The following ZNF331 variants were observed in gnomAD, a reference collection of about 807,000 sequenced individuals.
ZNF331 encodes C2H2-like zinc finger protein rearranged in thyroid adenomas.
ZNF331 carries 2 observed loss-of-function variants against 7.0 expected under a neutral mutation model. The observed-to-expected ratio is 0.29, with a 90% CI of 0.12 to 0.90. The LOEUF (loss-of-function observed/expected upper bound fraction) is 0.90. Among genes scored for constraint, ZNF331 ranks in the 40% least tolerant of loss-of-function variants. The pLI, the probability that ZNF331 is intolerant of heterozygous loss-of-function variation, is 0.58. For missense variants in ZNF331, 432 were observed against 587.7 expected, an observed-to-expected ratio of 0.74 and a Z score of 2.74; for synonymous variants, 196 against 205.4, an observed-to-expected ratio of 0.95 and a Z score of 0.39.
At chr19:53,550,529 C>CTATTTTTTTTT (rs2088916200) in intron 2 of ZNF331, among the ~76,000 whole-genome samples, 1 of 64,540 alleles carries the variant, frequency 1.5e-5, no homozygotes, top group Non-Finnish European at 2.6e-5. Context: ...TCTATTTTGT[C>CTATTTTTTTTT]TTTTTTTTTT....
Position 53,546,141 on chromosome 19 carries a change from A to G in ZNF331, c.-138+6859A>G, listed in dbSNP as rs1401437312. ...CTTCAGAAAAAGCATCCTGAGGGGG[A>G]AAAAAAAAAAAAAAAAAAAATTATT... On this transcript the variant is annotated intron_variant, in intron 2 of 5. Transcript: ENST00000449416. 6.6e-3 allele frequency among the ~76,000 whole-genome samples: 59 copies of G among 8,954 alleles called. 1 individual carries two copies. Among genetic ancestry groups the G allele is most frequent in the African/African-American group, 0.031 (23 of 734 alleles). 5.9% of individuals were successfully genotyped at this position (8,954 alleles called of 152,430 possible).
chr19:53,512,837 A>G, the ZNF331 span: 4 of 149,402 alleles, frequency 2.7e-5, no homozygotes, highest in Non-Finnish European at 6.0e-5. Context: ...TATGAGATCA[A>G]ACTAATGCCT....
the ZNF331 span, among the ~76,000 whole-genome samples, chr19:53,511,246 A>G: frequency 1.3e-5 from 2 of 152,172 alleles, no homozygotes; most frequent in African/African-American, 4.8e-5. Context: ...CTCATACTAT[A>G]CAATATGGAA....
intron 3 of ZNF331, among the ~76,000 whole-genome samples, chr19:53,559,599 A>G (rs1344035592): frequency 6.9e-6 from 1 of 145,452 alleles, no homozygotes; most frequent in Non-Finnish European, 1.5e-5. Flanking sequence ...TCATACATGT[A>G]CATACACACC....
chr19:53,528,131 G>C (rs1216069046), intron 2 of ZNF331, among the ~76,000 whole-genome samples: 1 of 152,178 alleles, frequency 6.6e-6, no homozygotes, highest in Non-Finnish European at 1.5e-5. Flanking sequence ...TCTCAGATTA[G>C]ATTCTTTAAA....
At chr19:53,543,903 A>G (rs78285923) in intron 2 of ZNF331, among the ~76,000 whole-genome samples, 6,786 of 152,230 alleles carry the variant, frequency 0.045, 256 homozygotes, top group Admixed American at 0.059. Flanking sequence ...ACACCTTTTT[A>G]ATCTACCTTC....
intron 5 of ZNF331, among the ~76,000 whole-genome samples, chr19:53,572,630 CATATACA>C (rs61592276): frequency 0.36 from 52,047 of 145,506 alleles, 10,054 homozygotes; most frequent in African/African-American, 0.47. Context: ...CACATATATA[CATATACA>C]ATATATACAT....
At chr19:53,557,451 C>T (rs1047704230) in intron 3 of ZNF331, among the ~76,000 whole-genome samples, 1 of 152,188 alleles carries the variant, frequency 6.6e-6, no homozygotes, top group African/African-American at 2.4e-5. Context: ...CCTGAGCACT[C>T]CTCCCTCATG....
intron 4 of ZNF331, among the ~76,000 whole-genome samples, chr19:53,570,862 T>C (rs1225380710): frequency 2.1e-5 from 3 of 144,326 alleles, no homozygotes; most frequent in Admixed American, 6.9e-5. Context: ...TCTTTTCTTT[T>C]CTTTTTTTTT....
At chr19:53,563,317 A>G (rs377750222) in intron 3 of ZNF331, among the ~76,000 whole-genome samples, 1 of 151,968 alleles carries the variant, frequency 6.6e-6, no homozygotes, top group African/African-American at 2.4e-5. Context: ...TGAACTCCTG[A>G]CCTCGTAATC....
rs531245689 is a variant in ZNF331 at position 53,559,683 on chromosome 19, C to A, written c.-74+3775C>A. 2.7e-5 allele frequency among the ~76,000 whole-genome samples: 4 copies of A among 147,748 alleles called. No individual in the cohort carries two copies. The East Asian group carries it at 7.7e-4, about 29-fold the overall frequency. ...TATATACACACATATAAAAACCATACACACATATACACACCCCATATATAC... is the reference window on the plus strand; with the variant it reads ...TATATACACACATATAAAAACCATAAACACATATACACACCCCATATATAC... On this transcript the variant is annotated intron_variant, in intron 3 of 5. Coordinates refer to ENST00000449416, the MANE Select transcript of ZNF331 (RefSeq NM_001079906.2).
At chr19:53,543,847 A>T (rs1272627870) in intron 2 of ZNF331, among the ~76,000 whole-genome samples, 1 of 152,236 alleles carries the variant, frequency 6.6e-6, no homozygotes, top group Non-Finnish European at 1.5e-5. Context: ...CAGACCACAC[A>T]ACCTGTATTC....
intron 3 of ZNF331, among the ~76,000 whole-genome samples, chr19:53,557,330 C>T (rs975723377): frequency 3.9e-5 from 6 of 152,124 alleles, no homozygotes; most frequent in South Asian, 4.1e-4. Flanking sequence ...AAGCAGCTTC[C>T]GGTGAGGCCT....
At chr19:53,569,512 T>G in intron 4 of ZNF331, 127 bp downstream of exon 4, 1 of 1,095,102 alleles carries the variant, frequency 9.1e-7, no homozygotes. Context: ...GCTCTTTCTA[T>G]TCCAGTGAAT....
intron 1 of ZNF331, among the ~76,000 whole-genome samples, chr19:53,522,447 A>C (rs8100810): frequency 1.3e-5 from 2 of 151,690 alleles, no homozygotes; most frequent in African/African-American, 4.8e-5. Context: ...ATGTTGGCAT[A>C]GGTGATCTCG....
intron 2 of ZNF331, among the ~76,000 whole-genome samples, chr19:53,545,980 T>C (rs1361591776): frequency 6.6e-6 from 1 of 151,968 alleles, no homozygotes; most frequent in African/African-American, 2.4e-5. Context: ...AACTCACAAA[T>C]GCCAGTGTCC....
At chr19:53,548,067 C>T (rs2088736807) in intron 2 of ZNF331, among the ~76,000 whole-genome samples, 1 of 151,602 alleles carries the variant, frequency 6.6e-6, no homozygotes, top group African/African-American at 2.4e-5. Flanking sequence ...GTAGCTGGGA[C>T]TACAGGCACA....
At position 53,570,543 on chromosome 19, in the gene ZNF331, T is replaced by C. The variant is rs191942130; in HGVS notation, c.10-1061T>C. Among the ~76,000 whole-genome samples the C allele has an allele frequency of 8.5e-5, 13 of 152,224 alleles. No homozygotes were observed. In the East Asian group the frequency reaches 1.7e-3, roughly 20 times the overall value. Reference sequence around the variant, plus strand: ...CATGCAAACCGTATTTTCTTTTTTTTTTTCTTGGGACGGAGTTTCACTCTT... The same window carrying C: ...CATGCAAACCGTATTTTCTTTTTTTCTTTCTTGGGACGGAGTTTCACTCTT... On this transcript the variant is annotated intron_variant, in intron 4 of 5. Coordinates refer to ENST00000449416, the MANE Select transcript of ZNF331 (RefSeq NM_001079906.2).
At chr19:53,524,010 G>A (rs1224158872) in intron 2 of ZNF331, among the ~76,000 whole-genome samples, 4 of 152,146 alleles carry the variant, frequency 2.6e-5, no homozygotes, top group East Asian at 1.9e-4. Flanking sequence ...GAGAACATGC[G>A]GTGTTTGGTT....
Sources: allele counts gnomAD v4.1 joint callset (sites outside exome capture counted in the v4.1 genomes callset), GRCh38; gene constraint gnomAD v4.1.1; transcripts MANE v1.5; gene names NCBI Gene and HGNC (gene_info 2026-07-23, HGNC 2026-07-21).